The following CEMIP variants were observed in gnomAD, a reference collection of about 807,000 sequenced individuals.
The protein encoded by CEMIP is cell migration inducing hyaluronidase 1.
In CEMIP, 105 loss-of-function variants were observed where a neutral mutation model predicts 156.9. That is an observed-to-expected ratio of 0.67 (90% CI 0.57 to 0.79). The LOEUF (loss-of-function observed/expected upper bound fraction) is 0.79. Among genes scored for constraint, CEMIP ranks in the 30% least tolerant of loss-of-function variants. The pLI, the probability that CEMIP is intolerant of heterozygous loss-of-function variation, is 0.00. For synonymous variants in CEMIP, 676 were observed against 668.4 expected (o/e 1.01, Z -0.17); for missense variants, 1,457 against 1,769.4 (o/e 0.82, Z 3.17).
chr15:80,820,013 G>A (rs923078675), intron 1 of CEMIP, among the ~76,000 whole-genome samples: 1 of 152,134 alleles, frequency 6.6e-6, no homozygotes, highest in South Asian at 2.1e-4. Flanking sequence ...GACAAGGGTG[G>A]GACAGTGAAG....
chr15:80,851,008 G>C (rs1268738762), intron 1 of CEMIP, among the ~76,000 whole-genome samples: 1 of 152,214 alleles, frequency 6.6e-6, no homozygotes, highest in East Asian at 1.9e-4. Context: ...CAATGAGACT[G>C]ACTTCAGACT....
intron 1 of CEMIP, among the ~76,000 whole-genome samples, chr15:80,807,230 A>ATTTT (rs5814038): frequency 3.6e-5 from 5 of 139,114 alleles, no homozygotes; most frequent in African/African-American, 1.3e-4. Flanking sequence ...TCTAGAGAGG[A>ATTTT]TTTTTTTTTT....
intron 1 of CEMIP, among the ~76,000 whole-genome samples, chr15:80,798,402 C>G (rs957900112): frequency 2.6e-5 from 4 of 151,730 alleles, no homozygotes; most frequent in Non-Finnish European, 5.9e-5. Flanking sequence ...TATGTTTTTT[C>G]CCAAGTTTTG....
intron 1 of CEMIP, among the ~76,000 whole-genome samples, chr15:80,844,206 A>G (rs1039925675): frequency 6.6e-6 from 1 of 152,190 alleles, no homozygotes; most frequent in Non-Finnish European, 1.5e-5. Context: ...GTGGGCGTGG[A>G]GCTCCTGCTT....
At chr15:80,944,670 T>C (rs1460497642) in intron 28 of CEMIP, among the ~76,000 whole-genome samples, 2 of 152,234 alleles carry the variant, frequency 1.3e-5, no homozygotes, top group Non-Finnish European at 2.9e-5. Flanking sequence ...CCCCATCAGA[T>C]GCTTCTTCGG....
chr15:80,873,489 C>T (rs966795416), intron 1 of CEMIP, 49 bp from the exon 2 acceptor site: 6 of 292,246 alleles, frequency 2.1e-5, no homozygotes, highest in Non-Finnish European at 4.0e-5. Flanking sequence ...TAATTCCCAG[C>T]TCATGTTCAG....
At chr15:80,810,532 T>A (rs147499173) in intron 1 of CEMIP, among the ~76,000 whole-genome samples, 2 of 152,202 alleles carry the variant, frequency 1.3e-5, no homozygotes, top group African/African-American at 4.8e-5. Flanking sequence ...TGCGGCCAGC[T>A]AATTTTTTGT....
chr15:80,795,344 G>A (rs564711512), intron 1 of CEMIP, among the ~76,000 whole-genome samples: 81 of 152,246 alleles, frequency 5.3e-4, no homozygotes, highest in Non-Finnish European at 4.0e-4. Flanking sequence ...GATGGCAGGG[G>A]ATGCTATGGT....
intron 17 of CEMIP, among the ~76,000 whole-genome samples, chr15:80,924,101 CT>C (rs1900570083): frequency 6.6e-6 from 1 of 152,200 alleles, no homozygotes; most frequent in African/African-American, 2.4e-5. Flanking sequence ...TATCCCATGG[CT>C]GACAAAGTGG....
chr15:80,919,831 A>G (rs1900405888), intron 14 of CEMIP, among the ~76,000 whole-genome samples: 1 of 148,718 alleles, frequency 6.7e-6, no homozygotes, highest in East Asian at 2.0e-4. Flanking sequence ...AAAAAAAGTC[A>G]CCATCCCATG....
rs1444819221 is a variant in CEMIP at position 80,835,527 on chromosome 15, C to CT, written c.-175-38010dup. 7.2e-5 allele frequency among the ~76,000 whole-genome samples: 11 copies of CT among 152,356 alleles called. No individual in the cohort carries two copies. In the South Asian group the frequency reaches 1.9e-3, roughly 26 times the overall value. On this transcript the variant is annotated intron_variant, in intron 1 of 29. Transcript: ENST00000394685. ...TTCAGCCTGCAGGGGCAGCCAATCT[C>CT]TGCTTTTCTGGCTCAAAGAAGGAAG... is the stretch of plus-strand genomic sequence containing the variant.
chr15:80,818,648 G>A (rs1870530704), intron 1 of CEMIP, among the ~76,000 whole-genome samples: 1 of 152,198 alleles, frequency 6.6e-6, no homozygotes, highest in Non-Finnish European at 1.5e-5. Context: ...GGTCCAAACT[G>A]AAGCCAGTGC....
At chr15:80,862,200 T>A (rs1898003576) in intron 1 of CEMIP, among the ~76,000 whole-genome samples, 1 of 152,198 alleles carries the variant, frequency 6.6e-6, no homozygotes, top group Admixed American at 6.5e-5. Flanking sequence ...CTTACTTGCA[T>A]CCATGCATCC....
chr15:80,825,256 A>G (rs978359256), intron 1 of CEMIP, among the ~76,000 whole-genome samples: 1 of 151,912 alleles, frequency 6.6e-6, no homozygotes, highest in Non-Finnish European at 1.5e-5. Flanking sequence ...GTGTGTGTGC[A>G]TGTGTGCGTA....
intron 12 of CEMIP, among the ~76,000 whole-genome samples, chr15:80,901,581 A>C (rs1899555353): frequency 1.3e-5 from 2 of 152,010 alleles, no homozygotes; most frequent in African/African-American, 4.8e-5. Context: ...AGGCACCTGT[A>C]ATCCCAGCTA....
chr15:80,948,661 C>A lies in CEMIP; in HGVS notation c.3959-136C>A, dbSNP rs1020165539. 7 of 1,188,164 alleles carry A rather than the reference C, an allele frequency of 5.9e-6. No individual in the cohort carries two copies. In the South Asian group the frequency reaches 8.6e-5, roughly 15 times the overall value. 73.6% of individuals were successfully genotyped at this position (1,188,164 alleles called of 1,614,324 possible). On this transcript the variant is annotated intron_variant, in intron 29 of 29. Transcript: ENST00000394685. ...TCAGTAGCTGAGCACAGAGCTCTTC[C>A]CAAGGGGCCACAGTGCAGTGTGGCT... is the stretch of plus-strand genomic sequence containing the variant.
chr15:80,892,122 C>T (rs946410363), intron 10 of CEMIP, among the ~76,000 whole-genome samples: 5 of 152,174 alleles, frequency 3.3e-5, no homozygotes, highest in African/African-American at 1.2e-4. Context: ...TTACGTGCTC[C>T]TCTTCCTGCT....
intron 1 of CEMIP, among the ~76,000 whole-genome samples, chr15:80,836,023 T>TA (rs60069943): frequency 1.5e-3 from 216 of 148,426 alleles, no homozygotes; most frequent in Admixed American, 4.0e-3. Context: ...GGTTTGCTCA[T>TA]AAAAAAAAAG....
At chr15:80,813,336 G>A (rs1459555595) in intron 1 of CEMIP, among the ~76,000 whole-genome samples, 2 of 150,890 alleles carry the variant, frequency 1.3e-5, no homozygotes, top group East Asian at 3.9e-4. Flanking sequence ...TTTGTAATAG[G>A]AGCAGCAGTA....
Sources: gnomAD v4.1 joint callset for allele counts (sites outside exome capture counted in the v4.1 genomes callset) on GRCh38, gnomAD v4.1.1 for gene constraint, MANE v1.5 for transcripts, NCBI Gene and HGNC (gene_info 2026-07-23, HGNC 2026-07-21) for gene names.